Variants in TIMM44 observed in about 807,000 individuals in gnomAD.
The protein encoded by TIMM44 is mitochondrial import inner membrane translocase subunit TIM44.
TIMM44 carries 37 observed loss-of-function variants against 63.8 expected under a neutral mutation model. The observed-to-expected ratio is 0.58, with a 90% CI of 0.45 to 0.76. TIMM44 has a LOEUF of 0.76. Among genes scored for constraint, TIMM44 ranks in the 30% least tolerant of loss-of-function variants. The probability of loss-of-function intolerance (pLI) is 0.00; values close to 1 mark genes in which losing one functional copy is unlikely to be tolerated. For synonymous variants in TIMM44, 239 were observed against 245.1 expected, an observed-to-expected ratio of 0.98 and a Z score of 0.23; for missense variants, 573 against 603.8, an observed-to-expected ratio of 0.95 and a Z score of 0.54.
chr19:7,928,367 AAC>A, intron 10 of TIMM44: 1 of 594,142 alleles, frequency 1.7e-6, no homozygotes, highest in Non-Finnish European at 3.0e-6. Flanking sequence ...TCCTGGGAAC[AAC>A]ACTCTATCCA....
chr19:7,932,451 G>C (rs746885644), intron 9 of TIMM44, 176 bp downstream of exon 9: 10 of 834,766 alleles, frequency 1.2e-5, no homozygotes, highest in Non-Finnish European at 1.9e-5. Flanking sequence ...GAAGGGCTTC[G>C]GGCACAGCTC....
rs138147355 is a variant in TIMM44 at position 7,935,102 on chromosome 19, C to T, written c.356G>A (p.Arg119Gln). 3.2e-5 allele frequency: 52 copies of T among 1,613,728 alleles called. No individual in the cohort carries two copies. In the African/African-American group the frequency reaches 3.5e-4, roughly 11 times the overall value. Residue 119 changes from arginine to glutamine, a missense_variant, in exon 4 of 13, where the codon CGG (arginine) becomes CAG (glutamine). Transcript: ENST00000270538. ...SETVRTSEVL[R>Q]KKLGELTGTV... is the part of the protein sequence containing the mutation. The stretch of plus-strand genomic sequence containing the variant: ...GCCCGTCAGCTCCCCAAGCTTCTTC[C>T]GTAGCACCTCGCTCGTCCGCACGGT...
chr19:7,927,696 C>A lies in TIMM44; in HGVS notation c.1200G>T (p.Val400=). 6.2e-7 allele frequency: 1 copy of A among 1,613,536 alleles called. No individual in the cohort carries two copies. Among genetic ancestry groups the A allele is most frequent in the Non-Finnish European group, 8.5e-7 (1 of 1,180,020 alleles). Residue 400 remains valine (V), a synonymous_variant, in exon 12 of 13, where the codon GTG becomes GTT. Coordinates refer to ENST00000270538, the MANE Select transcript of TIMM44 (RefSeq NM_006351.4). ...CCACCTCGCCTTTGGGGTTCCTGACCACCATCACCAGCTGTGCCTGGAAGG... is the reference window on the plus strand; with the variant it reads ...CCACCTCGCCTTTGGGGTTCCTGACAACCATCACCAGCTGTGCCTGGAAGG... ...IITFQAQLVM[V]VRNPKGEVVE... is the part of the protein sequence containing the mutation.
Position 7,943,248 on chromosome 19 carries a change from C to T in TIMM44, c.45+359G>A, listed in dbSNP as rs1447918140. On this transcript the variant is annotated intron_variant, in intron 1 of 12. Coordinates refer to ENST00000270538, the MANE Select transcript of TIMM44 (RefSeq NM_006351.4). The surrounding 1 kb of genome is among the most constrained non-coding windows in gnomAD (Gnocchi z 4.3). ...TCTCGGTAGAGAACTTGGCATTTAA[C>T]CGCGAGCTGTGAATTTCACGTTTTT... Among the ~76,000 whole-genome samples, 1 of 152,126 alleles carries T rather than the reference C, an allele frequency of 6.6e-6. No individual in the cohort carries two copies. Among genetic ancestry groups the T allele is most frequent in the Non-Finnish European group, 1.5e-5 (1 of 68,016 alleles).
At chr19:7,936,605 C>G (rs999752417) in intron 3 of TIMM44, among the ~76,000 whole-genome samples, 1 of 152,204 alleles carries the variant, frequency 6.6e-6, no homozygotes, top group Admixed American at 6.5e-5. Context: ...AGGGCCCTTA[C>G]AAATAAAGGA....
At chr19:7,928,427 T>C in intron 10 of TIMM44, 1 of 512,204 alleles carries the variant, frequency 2.0e-6, no homozygotes, top group Non-Finnish European at 3.5e-6. Context: ...GTGATTCTCT[T>C]GGAACAAAAT....
Position 7,934,383 on chromosome 19 carries a change from G to T in TIMM44, c.394-145C>A. ...GGCCTTCTGTGCTCCTGTGGTACGCGGCACCCCCAGAGCCATGAGCACAAC... is the reference window on the plus strand; with the variant it reads ...GGCCTTCTGTGCTCCTGTGGTACGCTGCACCCCCAGAGCCATGAGCACAAC... On this transcript the variant is annotated intron_variant, in intron 4 of 12. Transcript: ENST00000270538. The surrounding 1 kb of genome is among the most constrained non-coding windows in gnomAD (Gnocchi z 5.3). The T allele has an allele frequency of 1.8e-6, 2 of 1,082,172 alleles. No individual in the cohort carries two copies. Among genetic ancestry groups the T allele is most frequent in the Non-Finnish European group, 1.4e-6 (1 of 734,642 alleles). 67.0% of individuals were successfully genotyped at this position (1,082,172 alleles called of 1,614,324 possible).
intron 3 of TIMM44, among the ~76,000 whole-genome samples, chr19:7,936,565 G>A (rs1043910455): frequency 3.3e-5 from 5 of 152,236 alleles, no homozygotes; most frequent in Non-Finnish European, 5.9e-5. Flanking sequence ...GCTGCTCATT[G>A]GTAAAATGGG....
chr19:7,932,480 GGCAGGA>G, intron 9 of TIMM44, 141 bp downstream of exon 9: 1 of 1,151,424 alleles, frequency 8.7e-7, no homozygotes, highest in Non-Finnish European at 1.2e-6. Flanking sequence ...GCTGCAGCCG[GGCAGGA>G]GCCCGTGTGC....
At chr19:7,939,115 G>A (rs954003338) in intron 2 of TIMM44, among the ~76,000 whole-genome samples, 4 of 152,120 alleles carry the variant, frequency 2.6e-5, no homozygotes, top group African/African-American at 9.7e-5. Context: ...ACACCACCAA[G>A]AGGGAACCGG....
At position 7,933,781 on chromosome 19, in the gene TIMM44, G is replaced by C; in HGVS notation, c.683+83C>G. ...CAAACTCAAGAAACGGACTCAGGAGGGAACCATTGGTGGGCTCCCGAAATG... is the reference window on the plus strand; with the variant it reads ...CAAACTCAAGAAACGGACTCAGGAGCGAACCATTGGTGGGCTCCCGAAATG... On this transcript the variant is annotated intron_variant, in intron 6 of 12. Transcript: ENST00000270538. The surrounding 1 kb of genome is among the most constrained non-coding windows in gnomAD (Gnocchi z 4.3). 6 of 1,588,962 alleles carry C rather than the reference G, an allele frequency of 3.8e-6. No homozygotes were observed. The highest frequency in any genetic ancestry group is 5.2e-6 in the Non-Finnish European group (6 of 1,162,048).
At chr19:7,938,330 T>C (rs1226013236) in intron 2 of TIMM44, 133 bp from the exon 3 acceptor site, 2 of 674,964 alleles carry the variant, frequency 3.0e-6, no homozygotes, top group Non-Finnish European at 4.9e-6. Flanking sequence ...TGATTAGCTA[T>C]CTCTTTTATA....
Position 7,941,338 on chromosome 19 carries a change from A to C in TIMM44, c.46-141T>G, listed in dbSNP as rs1457858484. 283 of 691,344 alleles carry C rather than the reference A, an allele frequency of 4.1e-4. 2 individuals are homozygous for C. In the East Asian group the frequency reaches 7.7e-3, roughly 19 times the overall value. The allele number at this position is 691,344 out of a possible 1,614,324, so 42.8% of individuals were successfully genotyped here. A position where few individuals can be genotyped will look rare whatever the true frequency, so the allele number is the denominator to read the frequency against. On this transcript the variant is annotated intron_variant, in intron 1 of 12. Transcript: ENST00000270538. ...TTTTTGAGACGGAGTCTCAGGCTAGAGTGCAGTGCTGCGATCTCAGCTCCC... is the reference window on the plus strand; with the variant it reads ...TTTTTGAGACGGAGTCTCAGGCTAGCGTGCAGTGCTGCGATCTCAGCTCCC...
intron 3 of TIMM44, 148 bp downstream of exon 3, chr19:7,937,879 G>C (rs781559137): frequency 2.2e-6 from 2 of 910,992 alleles, no homozygotes; most frequent in Admixed American, 1.8e-5. Context: ...TTAGCTGGGC[G>C]TGGTGGTGCG....
At chr19:7,941,735 A>AC (rs955590698) in intron 1 of TIMM44, among the ~76,000 whole-genome samples, 2 of 152,076 alleles carry the variant, frequency 1.3e-5, no homozygotes, top group African/African-American at 4.8e-5. Context: ...TGCCCCTGAA[A>AC]CTGGGGGAAA....
At chr19:7,931,983 G>A (rs1248719116) in intron 9 of TIMM44, among the ~76,000 whole-genome samples, 1 of 152,240 alleles carries the variant, frequency 6.6e-6, no homozygotes, top group Non-Finnish European at 1.5e-5. Context: ...AGGCCGGCGG[G>A]GCCAAGGATG....
At position 7,935,997 on chromosome 19, in the gene TIMM44, T is replaced by TA. The variant is rs1179149758; in HGVS notation, c.313-853dup. The stretch of plus-strand genomic sequence containing the variant: ...TGGCGAGACCCTGTCTCTAGAAATA[T>TA]AAAAAAATTAGCCAGGCGTGGTATC... On this transcript the variant is annotated intron_variant, in intron 3 of 12. Transcript: ENST00000270538. 2.6e-5 allele frequency among the ~76,000 whole-genome samples: 4 copies of TA among 152,066 alleles called. No individual in the cohort carries two copies. The East Asian group carries it at 7.7e-4, about 29-fold the overall frequency.
intron 1 of TIMM44, among the ~76,000 whole-genome samples, chr19:7,942,359 G>A (rs1984333345): frequency 6.6e-6 from 1 of 152,096 alleles, no homozygotes; most frequent in Non-Finnish European, 1.5e-5. Flanking sequence ...GGAGGCTGAG[G>A]CGGAAGGATC....
intron 1 of TIMM44, 63 bp from the exon 2 acceptor site, chr19:7,941,260 A>G (rs959834233): frequency 2.3e-6 from 3 of 1,315,734 alleles, no homozygotes; most frequent in African/African-American, 2.9e-5. Context: ...AAGTAAGCAG[A>G]CCACACACAA....
Sources: allele counts gnomAD v4.1 joint callset (sites outside exome capture counted in the v4.1 genomes callset), GRCh38; gene constraint gnomAD v4.1.1; non-coding constraint Gnocchi (gnomAD v3.1); transcripts MANE v1.5; gene names NCBI Gene and HGNC (gene_info 2026-07-23, HGNC 2026-07-21).